The following PTPRB variants were observed in gnomAD, a reference collection of about 807,000 sequenced individuals.
PTPRB encodes protein tyrosine phosphatase receptor type B, also known as receptor-type tyrosine-protein phosphatase beta.
In PTPRB, 97 loss-of-function variants were observed where a neutral mutation model predicts 238.1. The ratio of observed to expected loss-of-function variants is 0.41; its 90% confidence interval spans 0.35 to 0.48. The LOEUF (loss-of-function observed/expected upper bound fraction) is 0.48, where lower values mean the gene tolerates loss of function less well. Ranked by LOEUF, PTPRB falls within the 20% of genes least tolerant of loss-of-function variation. PTPRB has a pLI of 0.30. For synonymous variants in PTPRB, 970 were observed against 995.4 expected (o/e 0.97, Z 0.48); for missense variants, 2,292 against 2,681.9 (o/e 0.85, Z 3.21).
intron 15 of PTPRB, among the ~76,000 whole-genome samples, chr12:70,565,565 C>T (rs1879181049): frequency 6.6e-6 from 1 of 152,196 alleles, no homozygotes; most frequent in Non-Finnish European, 1.5e-5. Flanking sequence ...CTTATATGTA[C>T]TCTTTATCAC....
chr12:70,632,087 C>T (rs567839368), intron 2 of PTPRB, among the ~76,000 whole-genome samples: 1 of 152,072 alleles, frequency 6.6e-6, no homozygotes, highest in Non-Finnish European at 1.5e-5. Flanking sequence ...GGTATATACT[C>T]AAAGGATTAT....
At chr12:70,542,929 T>C (rs1349637160) in intron 22 of PTPRB, 2 of 150,966 alleles carry the variant, frequency 1.3e-5, no homozygotes, top group Admixed American at 1.3e-4. Flanking sequence ...TATATTACAC[T>C]ATATATATAG....
Position 70,571,963 on chromosome 12 carries a change from G to A in PTPRB, c.2967C>T (p.Asn989=). 2 of 1,613,962 alleles carry A rather than the reference G, an allele frequency of 1.2e-6. No individual in the cohort carries two copies. The highest frequency in any genetic ancestry group is 1.7e-6 in the Non-Finnish European group (2 of 1,179,876). Residue 989 remains asparagine (N), a synonymous_variant, in exon 12 of 34, where the codon AAC becomes AAT. Coordinates refer to ENST00000334414, the MANE Select transcript of PTPRB (RefSeq NM_001109754.4). ...HYEVTIKNKN[N]FIQTKSIPKS... ...TGGGAATGCTTTTAGTTTGAATGAA[G>A]TTGTTTTTGTTTTTAATGGTGACTT...
At position 70,635,753 on chromosome 12, in the gene PTPRB, G is replaced by A; in HGVS notation, c.369C>T (p.Ala123=). The change falls in exon 2 of 34, where the codon GCC becomes GCT. Residue 123 remains alanine (A), a synonymous_variant. Transcript: ENST00000334414. ...TCATCCAGCTATGGAGGTATTTCCT[G>A]GCCTTCTTGACCACTACTCTGGAGC... ...KQGSRVVVKK[A]RKYLHSWMKI... is the part of the protein sequence containing the mutation. 6.2e-7 allele frequency: 1 copy of A among 1,613,838 alleles called. No individual in the cohort carries two copies.
In PTPRB at chr12:70,534,550, C is replaced by T. The variant is rs935128948; in HGVS notation, c.6306G>A (p.Val2102=). The change falls in exon 31 of 34, where the codon GTG becomes GTA. Residue 2102 remains valine (V), a synonymous_variant. Transcript: ENST00000334414. ...TGTTGATGTAGTCCCTGACAGTTCT[C>T]ACAAACTGGATCAGAGACTGGGTGG... ...PETTQSLIQF[V]RTVRDYINRS... 1 of 1,613,432 alleles carries T rather than the reference C, an allele frequency of 6.2e-7. No individual in the cohort carries two copies. The highest frequency in any genetic ancestry group is 8.5e-7 in the Non-Finnish European group (1 of 1,179,670).
Position 70,596,320 on chromosome 12 carries a change from T to C in PTPRB, c.987A>G (p.Leu329=). 6.6e-7 allele frequency: 1 copy of C among 1,515,286 alleles called. No homozygotes were observed. The highest frequency in any genetic ancestry group is 8.8e-7 in the Non-Finnish European group (1 of 1,134,040). 93.9% of individuals were successfully genotyped at this position (1,515,286 alleles called of 1,614,324 possible). A position where few individuals can be genotyped will look rare whatever the true frequency, so the allele number is the denominator to read the frequency against. The part of the protein sequence containing the change: ...ERTVVLQTDP[L]PPARFGVSKE... ...TACTGACTCCAAACCTAGCAGGAGG[T>C]AAAGGATCTGCAAGGCAAATACACA... The change falls in exon 5 of 34, where the codon TTA becomes TTG. Residue 329 remains leucine, a synonymous_variant. Transcript: ENST00000334414.
Position 70,590,249 on chromosome 12 carries a change from AT to A in PTPRB, c.1781-17del. On this transcript the variant is annotated splice_polypyrimidine_tract_variant and intron_variant, in intron 7 of 33. Transcript: ENST00000334414. ...TTGTCTGGAACTAAACGGTGAAATG[AT>A]GTCAAAAAGGAGATATTACAGACCA... 1 of 1,531,430 alleles carries A rather than the reference AT, an allele frequency of 6.5e-7. No individual in the cohort carries two copies. The highest frequency in any genetic ancestry group is 8.8e-7 in the Non-Finnish European group (1 of 1,139,626). The allele number at this position is 1,531,430 out of a possible 1,614,324, so 94.9% of individuals were successfully genotyped here.
chr12:70,546,024 C>G (rs1051664509), intron 21 of PTPRB, among the ~76,000 whole-genome samples: 9 of 151,790 alleles, frequency 5.9e-5, no homozygotes, highest in African/African-American at 2.2e-4. Context: ...GTAATCCTGG[C>G]TACTTGGGAG....
intron 3 of PTPRB, among the ~76,000 whole-genome samples, chr12:70,614,114 A>G (rs1884579212): frequency 6.6e-6 from 1 of 152,194 alleles, no homozygotes; most frequent in Non-Finnish European, 1.5e-5. Context: ...GTCATCTGAG[A>G]ACTTGCTAGA....
chr12:70,537,942 A>T, intron 28 of PTPRB: 1 of 473,030 alleles, frequency 2.1e-6, no homozygotes, highest in Non-Finnish European at 3.7e-6. Flanking sequence ...TCTTGGGCTC[A>T]TAATTTCATT....
At chr12:70,541,123 C>T in intron 22 of PTPRB, 166 bp from the exon 23 acceptor site, 1 of 602,438 alleles carries the variant, frequency 1.7e-6, no homozygotes, top group Non-Finnish European at 2.9e-6. Context: ...GAGTATGCAC[C>T]TAAGAAGATG....
At chr12:70,540,987 G>T in intron 22 of PTPRB, 30 bp from the exon 23 acceptor site, 1 of 1,546,904 alleles carries the variant, frequency 6.5e-7, no homozygotes, top group South Asian at 1.2e-5. Context: ...AACAACAAAC[G>T]CAGGTGGGAA....
intron 8 of PTPRB, among the ~76,000 whole-genome samples, chr12:70,589,252 TAAG>T (rs1040941309): frequency 1.3e-5 from 2 of 152,196 alleles, no homozygotes; most frequent in African/African-American, 4.8e-5. Flanking sequence ...GACATTGTTC[TAAG>T]AAGAACAGTG....
At position 70,579,537 on chromosome 12, in the gene PTPRB, A is replaced by G. The variant is rs149184329; in HGVS notation, c.2578+1499T>C. Among the ~76,000 whole-genome samples the G allele has an allele frequency of 5.0e-3, 763 of 152,104 alleles. 5 individuals carry two copies. The highest frequency in any genetic ancestry group is 0.017 in the African/African-American group (723 of 41,518). On this transcript the variant is annotated intron_variant, in intron 10 of 33. Coordinates refer to ENST00000334414, the MANE Select transcript of PTPRB (RefSeq NM_001109754.4). ...CAAGCTGAAACCCTGTTTCTACTAA[A>G]AGTACAAAAATTAGCTGGGCGTGGT...
intron 26 of PTPRB, chr12:70,539,319 A>C (rs979683857): frequency 3.7e-6 from 2 of 535,954 alleles, no homozygotes; most frequent in Non-Finnish European, 6.6e-6. Context: ...TCTTCCAGCC[A>C]AGCAAATGGC....
At chr12:70,531,354 C>T (rs2278617) in intron 32 of PTPRB, among the ~76,000 whole-genome samples, 30,399 of 151,778 alleles carry the variant, frequency 0.2, 3,649 homozygotes, top group Middle Eastern at 0.36. Flanking sequence ...TGGAGAAAAA[C>T]TTGTGAAACA....
At position 70,592,081 on chromosome 12, in the gene PTPRB, A is replaced by G. The variant is rs76943224; in HGVS notation, c.1780+201T>C. ...CATGAAAAAGCATAAGACAGAAACA[A>G]CATGCAGATCATTCAGAAATCCAAA... On this transcript the variant is annotated intron_variant, in intron 7 of 33. Coordinates refer to ENST00000334414, the MANE Select transcript of PTPRB (RefSeq NM_001109754.4). The G allele has an allele frequency of 1.5e-3, 987 of 651,878 alleles. 9 individuals are homozygous for G. The East Asian group carries it at 0.018, about 12-fold the overall frequency. 40.4% of individuals were successfully genotyped at this position (651,878 alleles called of 1,614,324 possible).
Position 70,518,739 on chromosome 12 carries a change from A to G in PTPRB, c.*2750T>C, listed in dbSNP as rs2136185191. ...GAGAACAACAGAATGACAATACAAA[A>G]TTGATTTAATGAGATGAGGTTAAAG... On this transcript the variant is annotated 3_prime_UTR_variant, in exon 34 of 34. Coordinates refer to ENST00000334414, the MANE Select transcript of PTPRB (RefSeq NM_001109754.4). 1 of 152,338 alleles carries G rather than the reference A, an allele frequency of 6.6e-6. No individual in the cohort carries two copies. The highest frequency in any genetic ancestry group is 2.1e-4 in the South Asian group (1 of 4,826). The allele number at this position is 152,338 out of a possible 1,614,324, so 9.4% of individuals were successfully genotyped here.
intron 3 of PTPRB, chr12:70,609,811 G>C (rs752584506): frequency 6.3e-7 from 1 of 1,584,230 alleles, no homozygotes; most frequent in South Asian, 1.2e-5. Context: ...CCATGGCTCA[G>C]CATTGCGCTC....
Sources: gnomAD v4.1 joint callset for allele counts (sites outside exome capture counted in the v4.1 genomes callset) on GRCh38, gnomAD v4.1.1 for gene constraint, MANE v1.5 for transcripts, NCBI Gene and HGNC (gene_info 2026-07-23, HGNC 2026-07-21) for gene names.